The following SLC4A10 variants were observed in gnomAD, a reference collection of about 807,000 sequenced individuals.
The protein encoded by SLC4A10 is solute carrier family 4 member 10.
Under a neutral mutation model 137.7 loss-of-function variants are expected in SLC4A10, and 42 were observed. The observed-to-expected ratio is 0.30, with a 90% confidence interval of 0.24 to 0.39. SLC4A10 has a LOEUF of 0.39. Ranked by LOEUF, SLC4A10 falls within the 10% of genes least tolerant of loss-of-function variation. The pLI, the probability that SLC4A10 is intolerant of heterozygous loss-of-function variation, is 1.00. For missense variants in SLC4A10, 925 were observed against 1,355.0 expected, an observed-to-expected ratio of 0.68 and a Z score of 4.98; for synonymous variants, 474 against 464.1, an observed-to-expected ratio of 1.02 and a Z score of -0.27.
At chr2:161,636,054 A>T (rs2034334010) in intron 1 of SLC4A10, among the ~76,000 whole-genome samples, 2 of 152,218 alleles carry the variant, frequency 1.3e-5, no homozygotes, top group South Asian at 4.1e-4. Flanking sequence ...TGTTGCTCTG[A>T]TATGGGCTGT....
At chr2:161,728,539 A>G (rs1168260775) in intron 1 of SLC4A10, among the ~76,000 whole-genome samples, 1 of 151,948 alleles carries the variant, frequency 6.6e-6, no homozygotes, top group African/African-American at 2.4e-5. Context: ...CGCGCCCTGT[A>G]CTCCAGCCTA....
intron 1 of SLC4A10, among the ~76,000 whole-genome samples, chr2:161,760,600 A>G (rs938997091): frequency 8.6e-5 from 13 of 151,994 alleles, no homozygotes; most frequent in African/African-American, 2.9e-4. Context: ...TTATGACTAA[A>G]CTATCACTTT....
At chr2:161,710,723 T>C (rs777896494) in intron 1 of SLC4A10, 2 of 455,500 alleles carry the variant, frequency 4.4e-6, no homozygotes, top group South Asian at 3.1e-5. Flanking sequence ...TTTACATGCA[T>C]TTCATTATAC....
intron 2 of SLC4A10, among the ~76,000 whole-genome samples, chr2:161,793,617 T>C (rs1034676178): frequency 6.6e-6 from 1 of 152,128 alleles, no homozygotes; most frequent in African/African-American, 2.4e-5. Context: ...CTTCTCTCTC[T>C]CTTCTTAATG....
intron 1 of SLC4A10, among the ~76,000 whole-genome samples, chr2:161,742,038 T>C (rs1467891367): frequency 6.6e-6 from 1 of 152,196 alleles, no homozygotes; most frequent in Non-Finnish European, 1.5e-5. Context: ...GTTCAATGAT[T>C]TTAATTTTTA....
chr2:161,759,421 C>G (rs2050013254), intron 1 of SLC4A10, among the ~76,000 whole-genome samples: 1 of 151,916 alleles, frequency 6.6e-6, no homozygotes, highest in African/African-American at 2.4e-5. Flanking sequence ...CACATTAGGT[C>G]CCCAAAACTT....
At chr2:161,667,240 T>A (rs1166117632) in intron 1 of SLC4A10, among the ~76,000 whole-genome samples, 1 of 151,662 alleles carries the variant, frequency 6.6e-6, no homozygotes, top group Admixed American at 6.6e-5. Context: ...GAAATATGAA[T>A]AAATTGCCTA....
At position 161,859,691 on chromosome 2, in the gene SLC4A10, C is replaced by T. The variant is rs548682662; in HGVS notation, c.578-3183C>T. Reference sequence around the variant, plus strand: ...TCTCGGCTCACTGCAAGCTCCGCCTCCCGGGTTCACGCCATTCCCCTGCCT... The same window carrying T: ...TCTCGGCTCACTGCAAGCTCCGCCTTCCGGGTTCACGCCATTCCCCTGCCT... On this transcript the variant is annotated intron_variant, in intron 5 of 26. Coordinates refer to ENST00000446997, the MANE Select transcript of SLC4A10 (RefSeq NM_001178015.2). 5.3e-5 allele frequency among the ~76,000 whole-genome samples: 8 copies of T among 149,862 alleles called. No homozygotes were observed. The East Asian group carries it at 1.6e-3, about 29-fold the overall frequency.
At chr2:161,676,177 C>G (rs1338089847) in intron 1 of SLC4A10, among the ~76,000 whole-genome samples, 1 of 152,100 alleles carries the variant, frequency 6.6e-6, no homozygotes, top group African/African-American at 2.4e-5. Flanking sequence ...GCCCATAATC[C>G]ACCAAAAGTT....
chr2:161,957,416 CTA>C (rs1443302683), intron 20 of SLC4A10, among the ~76,000 whole-genome samples, 176 bp downstream of exon 20: 5 of 152,120 alleles, frequency 3.3e-5, no homozygotes, highest in Admixed American at 3.3e-4. Flanking sequence ...AAATTACGTC[CTA>C]TATTTTAAAA....
chr2:161,709,320 C>T (rs908554166), intron 1 of SLC4A10, among the ~76,000 whole-genome samples: 1 of 151,550 alleles, frequency 6.6e-6, no homozygotes, highest in Admixed American at 6.6e-5. Flanking sequence ...TTGTAGTGTG[C>T]TACATAGCAA....
rs543285958 is a variant in SLC4A10 at position 161,871,193 on chromosome 2, C to A, written c.767-1100C>A. On this transcript the variant is annotated intron_variant, in intron 6 of 26. Coordinates refer to ENST00000446997, the MANE Select transcript of SLC4A10 (RefSeq NM_001178015.2). ...TTTACACTGGGAGTTTAGAGAATTT[C>A]AGTCAGAGACTGAAGTGATTAGAGA... is the stretch of plus-strand genomic sequence containing the variant. 1.2e-4 allele frequency among the ~76,000 whole-genome samples: 18 copies of A among 151,724 alleles called. No individual in the cohort carries two copies. In the South Asian group the frequency reaches 2.7e-3, roughly 23 times the overall value.
chr2:161,848,960 A>G lies in SLC4A10; in HGVS notation c.417-6010A>G, dbSNP rs115329955. ...TTGTAAAAATGTTATTGGTAGGTTGATAGGAATAGCACTGAATCTGTAAAT... is the reference window on the plus strand; with the variant it reads ...TTGTAAAAATGTTATTGGTAGGTTGGTAGGAATAGCACTGAATCTGTAAAT... On this transcript the variant is annotated intron_variant, in intron 4 of 26. Transcript: ENST00000446997. 1.6e-3 allele frequency among the ~76,000 whole-genome samples: 238 copies of G among 152,284 alleles called. 1 individual carries two copies. The highest frequency in any genetic ancestry group is 5.4e-3 in the African/African-American group (226 of 41,556).
chr2:161,816,265 G>A (rs2057045821), intron 3 of SLC4A10, among the ~76,000 whole-genome samples: 1 of 152,108 alleles, frequency 6.6e-6, no homozygotes, highest in Non-Finnish European at 1.5e-5. Context: ...AGATATTTCT[G>A]CAGGTGCCTC....
chr2:161,890,797 G>A (rs548932936), intron 10 of SLC4A10, among the ~76,000 whole-genome samples: 15 of 152,102 alleles, frequency 9.9e-5, no homozygotes, highest in Non-Finnish European at 1.0e-4. Flanking sequence ...TATATTTAAG[G>A]TTAATATTGT....
chr2:161,923,844 A>G (rs2105527195), intron 15 of SLC4A10, among the ~76,000 whole-genome samples: 1 of 152,242 alleles, frequency 6.6e-6, no homozygotes, highest in East Asian at 1.9e-4. Flanking sequence ...AAGAAAAAAA[A>G]ATAACCCCAT....
chr2:161,976,882 G>GA lies in SLC4A10; in HGVS notation c.3344+7dup, dbSNP rs1473046648. The stretch of plus-strand genomic sequence containing the variant: ...TCAAGCTTTCCTTCCAAAAGGTTTG[G>GA]ATTTTAAAATAATGAGAATTTATAC... On this transcript the variant is annotated splice_region_variant and intron_variant, in intron 25 of 26. Transcript: ENST00000446997. 2.4e-5 allele frequency: 36 copies of GA among 1,494,216 alleles called. No individual in the cohort carries two copies. Among genetic ancestry groups the GA allele is most frequent in the Non-Finnish European group, 3.2e-5 (35 of 1,097,276 alleles). 92.6% of individuals were successfully genotyped at this position (1,494,216 alleles called of 1,614,324 possible). A position where few individuals can be genotyped will look rare whatever the true frequency, so the allele number is the denominator to read the frequency against.
At chr2:161,812,441 GT>G (rs1307002173) in intron 3 of SLC4A10, among the ~76,000 whole-genome samples, 1 of 151,916 alleles carries the variant, frequency 6.6e-6, no homozygotes, top group Non-Finnish European at 1.5e-5. Context: ...TGATGCTGAG[GT>G]TTGGGGTACA....
At chr2:161,823,211 G>A (rs146787699) in intron 3 of SLC4A10, among the ~76,000 whole-genome samples, 65 of 152,280 alleles carry the variant, frequency 4.3e-4, no homozygotes, top group East Asian at 2.9e-3. Flanking sequence ...CTTATAGATT[G>A]TGCATGGTGT....
Sources: allele counts gnomAD v4.1 joint callset (sites outside exome capture counted in the v4.1 genomes callset), GRCh38; gene constraint gnomAD v4.1.1; transcripts MANE v1.5; gene names NCBI Gene and HGNC (gene_info 2026-07-23, HGNC 2026-07-21).